SCARB2: variants seen among roughly 807,000 people sequenced by gnomAD.
SCARB2 encodes lysosome membrane protein 2.
SCARB2 carries 29 observed loss-of-function variants against 58.6 expected under a neutral mutation model. The observed-to-expected ratio is 0.49, with a 90% CI of 0.37 to 0.67. The LOEUF (loss-of-function observed/expected upper bound fraction) is 0.67. Among genes scored for constraint, SCARB2 ranks in the 30% least tolerant of loss-of-function variants. SCARB2 has a pLI of 0.00. For synonymous variants in SCARB2, 195 were observed against 210.1 expected (o/e 0.93, Z 0.62); for missense variants, 488 against 578.5 (o/e 0.84, Z 1.60).
At chr4:76,185,811 A>G (rs1732474510) in intron 2 of SCARB2, among the ~76,000 whole-genome samples, 1 of 152,182 alleles carries the variant, frequency 6.6e-6, no homozygotes, top group African/African-American at 2.4e-5. Context: ...CTGGATACAA[A>G]CTAGACTGAG....
intron 2 of SCARB2, among the ~76,000 whole-genome samples, chr4:76,186,017 A>G (rs770835636): frequency 2.0e-5 from 3 of 152,194 alleles, no homozygotes; most frequent in Non-Finnish European, 2.9e-5. Context: ...TACTGATACC[A>G]TGTGCAACGG....
At chr4:76,167,678 CCCCCG>C (rs1331041270) in intron 9 of SCARB2, among the ~76,000 whole-genome samples, 6 of 123,196 alleles carry the variant, frequency 4.9e-5, no homozygotes, top group African/African-American at 2.1e-4. Context: ...TCCCTCCCCC[CCCCCG>C]CTTTTTTTTT....
chr4:76,214,533 G>A (rs1307943498), upstream of SCARB2: 2 of 345,950 alleles, frequency 5.8e-6, no homozygotes, highest in East Asian at 1.7e-4. Context: ...AGGTGTTGAG[G>A]CCCCAAGAGG....
intron 1 of SCARB2, 107 bp downstream of exon 1, chr4:76,213,320 C>A: frequency 1.3e-6 from 1 of 789,104 alleles, no homozygotes; most frequent in Non-Finnish European, 2.2e-6. Context: ...AGCTCTAGCG[C>A]GGAGGGTCTG....
At chr4:76,210,156 G>C (rs745553005) in intron 1 of SCARB2, among the ~76,000 whole-genome samples, 1 of 152,142 alleles carries the variant, frequency 6.6e-6, no homozygotes, top group Non-Finnish European at 1.5e-5. Flanking sequence ...ATTGTGCTGG[G>C]TGCTTTATAG....
intron 6 of SCARB2, chr4:76,174,670 G>A: frequency 3.3e-6 from 1 of 300,796 alleles, no homozygotes; most frequent in Non-Finnish European, 6.4e-6. Flanking sequence ...CAAAGCCAGG[G>A]AAGCCAGGGC....
intron 9 of SCARB2, among the ~76,000 whole-genome samples, chr4:76,167,532 C>A (rs1168159021): frequency 6.6e-6 from 1 of 152,138 alleles, no homozygotes; most frequent in African/African-American, 2.4e-5. Context: ...CTGCCATGAG[C>A]AAAAGCTCCC....
intron 1 of SCARB2, among the ~76,000 whole-genome samples, chr4:76,228,716 C>A (rs1733443094): frequency 7.4e-6 from 1 of 134,802 alleles, no homozygotes; most frequent in Admixed American, 7.1e-5. Context: ...GTTGAGAAAC[C>A]TGCTATTAAT....
intron 10 of SCARB2, 126 bp downstream of exon 10, chr4:76,166,124 G>T: frequency 1.1e-6 from 1 of 924,316 alleles, no homozygotes; most frequent in Non-Finnish European, 1.8e-6. Context: ...ATTTTCTGAG[G>T]AATAACAGGT....
intron 1 of SCARB2, among the ~76,000 whole-genome samples, chr4:76,220,209 AGT>A (rs1204549144): frequency 2.6e-5 from 4 of 152,246 alleles, no homozygotes; most frequent in African/African-American, 4.8e-5. Context: ...CTTGTAAACC[AGT>A]GTTCATAGCA....
intron 1 of SCARB2, among the ~76,000 whole-genome samples, chr4:76,210,552 C>T (rs562103808): frequency 1.1e-4 from 17 of 152,284 alleles, no homozygotes; most frequent in African/African-American, 3.4e-4. Context: ...AAGGCCCAAA[C>T]GCTTGTAAGG....
In SCARB2 at chr4:76,168,383, T is replaced by C. The variant is rs1379567707; in HGVS notation, c.1187+20A>G. ...TGGAGCAAAACTGCTGTCCCCTCCATAGAAAGAAGCAAAACTTACACAAAG... is the reference window on the plus strand; with the variant it reads ...TGGAGCAAAACTGCTGTCCCCTCCACAGAAAGAAGCAAAACTTACACAAAG... On this transcript the variant is annotated intron_variant, in intron 9 of 11. Coordinates refer to ENST00000264896, the MANE Select transcript of SCARB2 (RefSeq NM_005506.4). 2 of 1,605,720 alleles carry C rather than the reference T, an allele frequency of 1.2e-6. No homozygotes were observed. The highest frequency in any genetic ancestry group is 1.7e-5 in the Admixed American group (1 of 59,998).
intron 1 of SCARB2, among the ~76,000 whole-genome samples, chr4:76,226,101 T>C (rs918079096): frequency 1.2e-5 from 1 of 83,450 alleles, no homozygotes; most frequent in African/African-American, 3.2e-5. Flanking sequence ...GGCTATGAAG[T>C]CCGACGGAGT....
intron 3 of SCARB2, chr4:76,180,349 C>A (rs2109948053): frequency 6.6e-6 from 1 of 151,886 alleles, no homozygotes; most frequent in Non-Finnish European, 1.5e-5. Flanking sequence ...CAGAGCAAGA[C>A]CCTGTCTCAA....
At chr4:76,193,862 A>G (rs78479614) in intron 2 of SCARB2, 4,221 of 152,314 alleles carry the variant, frequency 0.028, 153 homozygotes, top group African/African-American at 0.087. Flanking sequence ...ATTATATTTT[A>G]ACATGTGAGA....
intron 1 of SCARB2, among the ~76,000 whole-genome samples, chr4:76,197,063 C>T (rs1479150119): frequency 6.6e-6 from 1 of 152,200 alleles, no homozygotes; most frequent in African/African-American, 2.4e-5. Flanking sequence ...TGACAGCCCT[C>T]TACAAGCCAA....
intron 1 of SCARB2, among the ~76,000 whole-genome samples, chr4:76,224,135 G>A (rs548593554): frequency 6.6e-6 from 1 of 152,332 alleles, no homozygotes; most frequent in South Asian, 2.1e-4. Flanking sequence ...TGCAAAGTCA[G>A]AAAGAAATCT....
intron 1 of SCARB2, among the ~76,000 whole-genome samples, chr4:76,225,704 A>C (rs1179792500): frequency 6.6e-6 from 1 of 152,222 alleles, no homozygotes; most frequent in African/African-American, 2.4e-5. Context: ...GACTTGCGTA[A>C]GTTAAACCAC....
At chr4:76,229,766 A>C (rs1390996391) in intron 1 of SCARB2, among the ~76,000 whole-genome samples, 1 of 152,154 alleles carries the variant, frequency 6.6e-6, no homozygotes, top group Non-Finnish European at 1.5e-5. Flanking sequence ...ACTCTGTGAG[A>C]GTCCTTGGTT....
Sources: gnomAD v4.1 joint callset for allele counts (sites outside exome capture counted in the v4.1 genomes callset) on GRCh38, gnomAD v4.1.1 for gene constraint, MANE v1.5 for transcripts, NCBI Gene and HGNC (gene_info 2026-07-23, HGNC 2026-07-21) for gene names.